ELMO1: variants seen among roughly 807,000 people sequenced by gnomAD.
ELMO1 encodes the protein engulfment and cell motility protein 1.
In ELMO1, 26 loss-of-function variants were observed where a neutral mutation model predicts 98.9. That is an observed-to-expected ratio of 0.26 (90% CI 0.19 to 0.36). The LOEUF is 0.36. Ranked by LOEUF, ELMO1 falls within the 10% of genes least tolerant of loss-of-function variation. The pLI is 1.00. For missense variants in ELMO1, 627 were observed against 935.2 expected (o/e 0.67, Z 4.30); for synonymous variants, 346 against 346.0 (o/e 1.00, Z 0.00).
At chr7:36,917,144 T>A (rs1784765924) in intron 16 of ELMO1, among the ~76,000 whole-genome samples, 1 of 152,254 alleles carries the variant, frequency 6.6e-6, no homozygotes, top group Non-Finnish European at 1.5e-5. Flanking sequence ...ATGATTTAAT[T>A]TATTAACAGG....
At chr7:37,212,235 TG>T (rs1272243904) in intron 12 of ELMO1, among the ~76,000 whole-genome samples, 1 of 152,004 alleles carries the variant, frequency 6.6e-6, no homozygotes, top group Non-Finnish European at 1.5e-5. Flanking sequence ...GACAGGGGAA[TG>T]GGGAGTTAGT....
rs116864133 is a variant in ELMO1 at position 36,992,690 on chromosome 7, G to A, written c.1437+20609C>T. Reference sequence around the variant, plus strand: ...ATCCTCCTTGGTTTTCAGATCTAATGAATAAGTAAACCTCTTCCAATTCCA... The same window carrying A: ...ATCCTCCTTGGTTTTCAGATCTAATAAATAAGTAAACCTCTTCCAATTCCA... On this transcript the variant is annotated intron_variant, in intron 16 of 21. Transcript: ENST00000310758. Among the ~76,000 whole-genome samples the A allele has an allele frequency of 1.8e-3, 267 of 152,230 alleles. 1 individual carries two copies. The East Asian group carries it at 0.031, about 18-fold the overall frequency.
intron 15 of ELMO1, among the ~76,000 whole-genome samples, chr7:37,064,035 A>G (rs1327564262): frequency 6.6e-6 from 1 of 152,094 alleles, no homozygotes; most frequent in Non-Finnish European, 1.5e-5. Flanking sequence ...AGTCCTAACT[A>G]TAGAGGAGCT....
chr7:37,016,409 G>C (rs577594741), intron 15 of ELMO1, among the ~76,000 whole-genome samples: 2 of 152,152 alleles, frequency 1.3e-5, no homozygotes, highest in Admixed American at 6.5e-5. Context: ...TCCATCATGA[G>C]CTTTTTTTAG....
intron 6 of ELMO1, among the ~76,000 whole-genome samples, chr7:37,247,895 A>ATGTGTGTG (rs58502667): frequency 0.01 from 1,473 of 146,622 alleles, 31 homozygotes; most frequent in African/African-American, 0.033. Flanking sequence ...TTGAAATAAA[A>ATGTGTGTG]TGTGTGTGTG....
At position 36,930,562 on chromosome 7, in the gene ELMO1, G is replaced by C. The variant is rs114263717; in HGVS notation, c.1438-35545C>G. On this transcript the variant is annotated intron_variant, in intron 16 of 21. Coordinates refer to ENST00000310758, the MANE Select transcript of ELMO1 (RefSeq NM_014800.11). Reference sequence around the variant, plus strand: ...ATGCTGTGCTCTGTTACTCACTCCTGTATTCCAGGGGCATTGCTCCTCAAA... The same window carrying C: ...ATGCTGTGCTCTGTTACTCACTCCTCTATTCCAGGGGCATTGCTCCTCAAA... 5.9e-3 allele frequency among the ~76,000 whole-genome samples: 895 copies of C among 152,312 alleles called. 8 individuals are homozygous for C. The highest frequency in any genetic ancestry group is 0.02 in the African/African-American group (842 of 41,558).
At position 36,933,468 on chromosome 7, in the gene ELMO1, G is replaced by C. The variant is rs952357729; in HGVS notation, c.1438-38451C>G. 2.6e-5 allele frequency among the ~76,000 whole-genome samples: 4 copies of C among 152,184 alleles called. No homozygotes were observed. The South Asian group carries it at 8.3e-4, about 31-fold the overall frequency. On this transcript the variant is annotated intron_variant, in intron 16 of 21. Coordinates refer to ENST00000310758, the MANE Select transcript of ELMO1 (RefSeq NM_014800.11). ...TCCTGCTAAGCCTCTAAGGTGAGAA[G>C]TGAGCTGTGAAATCACAATTGCATA...
At chr7:37,263,808 G>C (rs528833601) in intron 5 of ELMO1, among the ~76,000 whole-genome samples, 2 of 152,312 alleles carry the variant, frequency 1.3e-5, no homozygotes, top group African/African-American at 4.8e-5. Flanking sequence ...GGGAAGTGAG[G>C]ATGTGGAAGC....
At chr7:37,192,066 C>T (rs1050787619) in intron 13 of ELMO1, among the ~76,000 whole-genome samples, 1 of 152,228 alleles carries the variant, frequency 6.6e-6, no homozygotes, top group Non-Finnish European at 1.5e-5. Context: ...AAGATGCTAA[C>T]AGTAGCAGTG....
chr7:37,203,467 T>C (rs1239944745), intron 13 of ELMO1, among the ~76,000 whole-genome samples: 2 of 152,174 alleles, frequency 1.3e-5, no homozygotes, highest in Non-Finnish European at 2.9e-5. Context: ...GAATAGCTTT[T>C]GTTAGGCCTG....
chr7:37,143,414 T>C (rs766811727), intron 13 of ELMO1, among the ~76,000 whole-genome samples: 5 of 152,342 alleles, frequency 3.3e-5, no homozygotes, highest in South Asian at 2.1e-4. Flanking sequence ...TTTTTATTTA[T>C]TTATTTTTTT....
At chr7:37,088,581 A>G (rs1222914742) in intron 15 of ELMO1, among the ~76,000 whole-genome samples, 1 of 152,226 alleles carries the variant, frequency 6.6e-6, no homozygotes, top group Non-Finnish European at 1.5e-5. Context: ...TGATGATGAT[A>G]TCCCTATGTT....
chr7:37,312,350 A>C (rs1467004416), intron 4 of ELMO1, among the ~76,000 whole-genome samples: 1 of 152,196 alleles, frequency 6.6e-6, no homozygotes, highest in Admixed American at 6.5e-5. Context: ...TGGCCTCCCA[A>C]AGTGCTGGGA....
intron 13 of ELMO1, among the ~76,000 whole-genome samples, chr7:37,139,506 C>T (rs2129306675): frequency 6.6e-6 from 1 of 152,214 alleles, no homozygotes; most frequent in Middle Eastern, 3.4e-3. Flanking sequence ...ATATACCTAA[C>T]CAGGGAGGTG....
intron 1 of ELMO1, among the ~76,000 whole-genome samples, chr7:37,391,006 C>CCCTTCCTTCCTTCCTTCCTT (rs56315543): frequency 8.5e-5 from 11 of 130,154 alleles, no homozygotes; most frequent in South Asian, 2.7e-4. Context: ...GGAAAGTAGT[C>CCCTTCCTTCCTTCCTTCCTT]CCTTCCTTCC....
chr7:37,256,750 G>A (rs1795684141), intron 6 of ELMO1, among the ~76,000 whole-genome samples: 1 of 85,764 alleles, frequency 1.2e-5, no homozygotes, highest in Admixed American at 1.2e-4. Flanking sequence ...GGGAAGGGAA[G>A]GGAAGGGAAG....
At chr7:36,894,785 C>A (rs1257387830) in intron 17 of ELMO1, 69 bp downstream of exon 17, 1 of 1,594,466 alleles carries the variant, frequency 6.3e-7, no homozygotes, top group Non-Finnish European at 8.6e-7. Context: ...AGCTTCATGA[C>A]AGGCGGTCAT....
chr7:37,145,402 G>A (rs1240324376), intron 13 of ELMO1, among the ~76,000 whole-genome samples: 2 of 152,162 alleles, frequency 1.3e-5, no homozygotes, highest in Non-Finnish European at 2.9e-5. Context: ...CTGTGCTCAG[G>A]ACTCTTGTCA....
intron 8 of ELMO1, among the ~76,000 whole-genome samples, chr7:37,229,460 C>T (rs1330477637): frequency 6.6e-6 from 1 of 151,680 alleles, no homozygotes; most frequent in Non-Finnish European, 1.5e-5. Flanking sequence ...TCACACATAA[C>T]AAAACAGATA....
Sources: gnomAD v4.1 joint callset for allele counts (sites outside exome capture counted in the v4.1 genomes callset) on GRCh38, gnomAD v4.1.1 for gene constraint, MANE v1.5 for transcripts, NCBI Gene and HGNC (gene_info 2026-07-23, HGNC 2026-07-21) for gene names.